The following DTWD2 variants were observed in gnomAD, a reference collection of about 807,000 sequenced individuals.
DTWD2 encodes DTW motif tRNA-uridine aminocarboxypropyltransferase 2.
Under a neutral mutation model 31.8 loss-of-function variants are expected in DTWD2, and 39 were observed. The ratio of observed to expected loss-of-function variants is 1.22; its 90% CI spans 0.95 to 1.60. DTWD2 has a LOEUF of 1.60. Ranked by LOEUF, DTWD2 falls within the 40% of genes most tolerant of loss-of-function variation. DTWD2 has a pLI of 0.00. For missense variants in DTWD2, 515 were observed against 381.5 expected (o/e 1.35, Z -2.92); for synonymous variants, 180 against 142.8 (o/e 1.26, Z -1.86).
chr5:118,973,847 C>T lies in DTWD2; in HGVS notation c.218+14447G>A, dbSNP rs201868550. ...CTCCGAAATCACCACCAAGGACTTA[C>T]AGGAGAAGAAGGAAGTTGTGGAAGA... is the stretch of plus-strand genomic sequence containing the variant. On this transcript the variant is annotated intron_variant, in intron 1 of 5. Coordinates refer to ENST00000510708, the MANE Select transcript of DTWD2 (RefSeq NM_173666.4). 7 of 1,611,672 alleles carry T rather than the reference C, an allele frequency of 4.3e-6. No homozygotes were observed. The South Asian group carries it at 7.7e-5, about 18-fold the overall frequency.
At chr5:118,843,173 T>C (rs565894680) in intron 5 of DTWD2, among the ~76,000 whole-genome samples, 30 of 151,928 alleles carry the variant, frequency 2.0e-4, no homozygotes, top group African/African-American at 7.0e-4. Flanking sequence ...GCCAGGCTGG[T>C]CTCGAACTCC....
intron 4 of DTWD2, among the ~76,000 whole-genome samples, chr5:118,878,863 T>C (rs936885531): frequency 6.6e-6 from 1 of 152,250 alleles, no homozygotes; most frequent in South Asian, 2.1e-4. Flanking sequence ...AAGACATACA[T>C]GTGGCCAACA....
At chr5:118,960,330 C>T (rs144002503) in intron 1 of DTWD2, among the ~76,000 whole-genome samples, 128 of 152,174 alleles carry the variant, frequency 8.4e-4, no homozygotes, top group Middle Eastern at 3.4e-3. Context: ...AAAAAATGCT[C>T]AACATCACTA....
Position 118,944,611 on chromosome 5 carries a change from G to A in DTWD2, c.257C>T (p.Ala86Val), listed in dbSNP as rs369066996. The change falls in exon 2 of 6, where the codon GCG becomes GTG. Residue 86 changes from alanine to valine, a missense_variant. Coordinates refer to ENST00000510708, the MANE Select transcript of DTWD2 (RefSeq NM_173666.4). ...QKVCLCPFLP[A>V]HPLHISTHLY... ...GTGGGTAGAGATATGCAGAGGGTGCGCTGGGAGAAATGGACACAAACACAC... is the reference window on the plus strand; with the variant it reads ...GTGGGTAGAGATATGCAGAGGGTGCACTGGGAGAAATGGACACAAACACAC... 55 of 1,613,530 alleles carry A rather than the reference G, an allele frequency of 3.4e-5. No individual in the cohort carries two copies. The Admixed American group carries it at 4.2e-4, about 12-fold the overall frequency.
intron 4 of DTWD2, among the ~76,000 whole-genome samples, chr5:118,878,599 T>C (rs1442846818): frequency 6.6e-6 from 1 of 152,102 alleles, no homozygotes; most frequent in Non-Finnish European, 1.5e-5. Context: ...GGCAGAGATT[T>C]CATAACAAAA....
At chr5:118,926,613 A>G (rs989263772) in intron 4 of DTWD2, among the ~76,000 whole-genome samples, 1 of 152,278 alleles carries the variant, frequency 6.6e-6, no homozygotes, top group African/African-American at 2.4e-5. Context: ...TGTTACTGAT[A>G]AAAGAACACT....
At chr5:118,849,166 C>T (rs983575853) in intron 4 of DTWD2, among the ~76,000 whole-genome samples, 1 of 151,890 alleles carries the variant, frequency 6.6e-6, no homozygotes, top group Non-Finnish European at 1.5e-5. Flanking sequence ...AAGGAACTTA[C>T]ACAAATTTAC....
intron 2 of DTWD2, 106 bp downstream of exon 2, chr5:118,944,453 C>G (rs1294736016): frequency 8.5e-7 from 1 of 1,181,208 alleles, no homozygotes; most frequent in African/African-American, 1.6e-5. Flanking sequence ...TCACCAACTT[C>G]TTTTCAGAAA....
chr5:118,947,298 G>A (rs563019084), intron 1 of DTWD2, among the ~76,000 whole-genome samples: 9 of 152,260 alleles, frequency 5.9e-5, no homozygotes, highest in Admixed American at 2.0e-4. Flanking sequence ...CTTGTTCGGC[G>A]TCCAGTAAAA....
At position 118,977,089 on chromosome 5, in the gene DTWD2, CAT is replaced by C. The variant is rs372745826; in HGVS notation, c.218+11203_218+11204del. Among the ~76,000 whole-genome samples the C allele has an allele frequency of 3.6e-3, 548 of 152,314 alleles. 5 individuals carry two copies. Among genetic ancestry groups the C allele is most frequent in the African/African-American group, 0.012 (516 of 41,562 alleles). On this transcript the variant is annotated intron_variant, in intron 1 of 5. Coordinates refer to ENST00000510708, the MANE Select transcript of DTWD2 (RefSeq NM_173666.4). ...TAAACAGAACCAATGACAAAAACCA[CAT>C]GATTATCTCAAAAAATGCACAAAAA...
chr5:118,945,397 C>A (rs909666641), intron 1 of DTWD2, among the ~76,000 whole-genome samples: 1 of 152,080 alleles, frequency 6.6e-6, no homozygotes, highest in African/African-American at 2.4e-5. Flanking sequence ...TTTTTTATGT[C>A]CTTCCAAAGG....
intron 1 of DTWD2, among the ~76,000 whole-genome samples, chr5:118,987,926 G>C (rs1223453773): frequency 6.6e-6 from 1 of 152,122 alleles, no homozygotes; most frequent in East Asian, 1.9e-4. Context: ...TCCACTTTAT[G>C]CTTTTTAACT....
At chr5:118,898,013 G>A (rs893920247) in intron 4 of DTWD2, among the ~76,000 whole-genome samples, 3 of 152,044 alleles carry the variant, frequency 2.0e-5, no homozygotes, top group African/African-American at 7.2e-5. Context: ...ACAGGCATGT[G>A]CCACCATGCC....
At chr5:118,986,855 G>A (rs1460747669) in intron 1 of DTWD2, among the ~76,000 whole-genome samples, 1 of 151,880 alleles carries the variant, frequency 6.6e-6, no homozygotes, top group East Asian at 1.9e-4. Flanking sequence ...TGCATAGCAA[G>A]AGGGAGGAGA....
intron 3 of DTWD2, among the ~76,000 whole-genome samples, chr5:118,929,257 T>C (rs2149579174): frequency 6.6e-6 from 1 of 152,322 alleles, no homozygotes; most frequent in South Asian, 2.1e-4. Context: ...ACTTCTATAT[T>C]TGAGTCCTTA....
chr5:118,946,638 T>C (rs1754344529), intron 1 of DTWD2, among the ~76,000 whole-genome samples: 1 of 152,222 alleles, frequency 6.6e-6, no homozygotes, highest in Non-Finnish European at 1.5e-5. Flanking sequence ...TATTTCAATG[T>C]GGCGGGTGGG....
At chr5:118,845,739 G>T (rs1325133841) in intron 5 of DTWD2, among the ~76,000 whole-genome samples, 2 of 152,172 alleles carry the variant, frequency 1.3e-5, no homozygotes, top group Non-Finnish European at 2.9e-5. Context: ...AAAAGCTGAA[G>T]AGATAATGGG....
chr5:118,927,467 T>C (rs1173488301), intron 4 of DTWD2, among the ~76,000 whole-genome samples: 3 of 152,014 alleles, frequency 2.0e-5, no homozygotes, highest in South Asian at 4.1e-4. Context: ...TTCTATAAAA[T>C]AGAGAAACCC....
intron 1 of DTWD2, among the ~76,000 whole-genome samples, chr5:118,964,932 G>A (rs1301375949): frequency 7.5e-5 from 11 of 147,294 alleles, no homozygotes; most frequent in African/African-American, 2.0e-4. Flanking sequence ...CCCTCTGCCC[G>A]GCTGCCCAGT....
Sources: gnomAD v4.1 joint callset for allele counts (sites outside exome capture counted in the v4.1 genomes callset) on GRCh38, gnomAD v4.1.1 for gene constraint, MANE v1.5 for transcripts, NCBI Gene and HGNC (gene_info 2026-07-23, HGNC 2026-07-21) for gene names.